The following HPSE variants were observed in gnomAD, a reference collection of about 807,000 sequenced individuals.
The protein encoded by HPSE is heparanase, also known as endo-glucoronidase.
In HPSE, 48 loss-of-function variants were observed where a neutral mutation model predicts 65.1. The ratio of observed to expected loss-of-function variants is 0.74; its 90% CI spans 0.58 to 0.94. The LOEUF (loss-of-function observed/expected upper bound fraction) is 0.94, where lower values mean the gene tolerates loss of function less well. HPSE is among the 40% of genes least tolerant of loss of function. HPSE has a pLI of 0.00. For missense variants in HPSE, 644 were observed against 637.5 expected, an observed-to-expected ratio of 1.01 and a Z score of -0.11; for synonymous variants, 243 against 260.0, an observed-to-expected ratio of 0.93 and a Z score of 0.63.
chr4:83,319,858 C>T (rs544923579), intron 2 of HPSE, among the ~76,000 whole-genome samples: 17 of 151,748 alleles, frequency 1.1e-4, no homozygotes, highest in South Asian at 4.2e-4. Context: ...GTCAGGAGTT[C>T]GAGACCAGCC....
intron 1 of HPSE, among the ~76,000 whole-genome samples, chr4:83,330,144 TA>T (rs1241307073): frequency 6.6e-6 from 1 of 152,146 alleles, no homozygotes; most frequent in Non-Finnish European, 1.5e-5. Context: ...ACTATAGCAG[TA>T]TGGAGTTCAA....
At chr4:83,308,360 C>G (rs1302400840) in intron 8 of HPSE, among the ~76,000 whole-genome samples, 1 of 152,020 alleles carries the variant, frequency 6.6e-6, no homozygotes, top group Non-Finnish European at 1.5e-5. Flanking sequence ...GAGGTGAGAT[C>G]GTGCCACTGC....
intron 1 of HPSE, among the ~76,000 whole-genome samples, chr4:83,322,967 G>C (rs1323664197): frequency 6.6e-6 from 1 of 151,842 alleles, no homozygotes; most frequent in East Asian, 1.9e-4. Context: ...TACCCAGCCA[G>C]GAGCTTATGT....
intron 1 of HPSE, among the ~76,000 whole-genome samples, chr4:83,324,224 C>A (rs1275712644): frequency 6.9e-6 from 1 of 145,612 alleles, no homozygotes; most frequent in East Asian, 2.0e-4. Flanking sequence ...TGGGCTCTAG[C>A]AATTCGCCCA....
rs1281658389 is a variant in HPSE, at chr4:83,295,171, T to A, written c.*173A>T. 1.4e-5 allele frequency: 6 copies of A among 426,322 alleles called. No individual in the cohort carries two copies. Among genetic ancestry groups the A allele is most frequent in the Non-Finnish European group, 2.1e-5 (5 of 239,418 alleles). 26.4% of individuals were successfully genotyped at this position (426,322 alleles called of 1,614,324 possible). On this transcript the variant is annotated 3_prime_UTR_variant, in exon 12 of 12. Coordinates refer to ENST00000311412, the MANE Select transcript of HPSE (RefSeq NM_001098540.3). The stretch of plus-strand genomic sequence containing the variant: ...TTATTAGCTATTATTATTAGCAGTG[T>A]TCTACCTAGCGAGATCAAAATACTG...
intron 8 of HPSE, among the ~76,000 whole-genome samples, chr4:83,307,800 T>C (rs572218912): frequency 6.6e-6 from 1 of 151,730 alleles, no homozygotes; most frequent in South Asian, 2.1e-4. Context: ...AGAATGAGGA[T>C]GAGAGAAAAA....
chr4:83,313,263 G>C lies in HPSE; in HGVS notation c.524C>G (p.Thr175Ser). Residue 175 changes from threonine (T) to serine (S), a missense_variant, in exon 4 of 12, where the codon ACT becomes AGT. Thr to Ser is a moderately conservative substitution (Grantham distance 58). Coordinates refer to ENST00000311412, the MANE Select transcript of HPSE (RefSeq NM_001098540.3). ...YSRSSVDVLYTFANCSGLDLI... is the reference protein window; with the variant it reads ...YSRSSVDVLYSFANCSGLDLI... Reference sequence around the variant, plus strand: ...GTCCAGTCCTGAGCAGTTTGCAAAAGTGTATAGCACATCTACAGAGCTTCC... The same window carrying C: ...GTCCAGTCCTGAGCAGTTTGCAAAACTGTATAGCACATCTACAGAGCTTCC... The C allele has an allele frequency of 6.2e-7, 1 of 1,613,590 alleles. No homozygotes were observed. Among genetic ancestry groups the C allele is most frequent in the Non-Finnish European group, 8.5e-7 (1 of 1,179,782 alleles).
At chr4:83,312,724 C>G in intron 4 of HPSE, among the ~76,000 whole-genome samples, 2 of 121,584 alleles carry the variant, frequency 1.6e-5, no homozygotes, top group African/African-American at 3.1e-5. Flanking sequence ...CTAGCCGGGC[C>G]TGGTGGCTCA....
At chr4:83,310,565 G>T (rs777448793) in intron 5 of HPSE, among the ~76,000 whole-genome samples, 157 bp downstream of exon 5, 8 of 152,136 alleles carry the variant, frequency 5.3e-5, no homozygotes, top group Non-Finnish European at 1.2e-4. Context: ...CCAGCTATTT[G>T]TGGGACTGAG....
At chr4:83,299,667 GGGA>G (rs1341845686) in intron 11 of HPSE, among the ~76,000 whole-genome samples, 2 of 151,940 alleles carry the variant, frequency 1.3e-5, no homozygotes, top group Admixed American at 6.6e-5. Context: ...TTGCAAAGAT[GGGA>G]GGAGATGGTG....
At chr4:83,307,886 A>T (rs1014013928) in intron 8 of HPSE, among the ~76,000 whole-genome samples, 2 of 152,204 alleles carry the variant, frequency 1.3e-5, no homozygotes, top group South Asian at 4.1e-4. Context: ...GCACTAATAG[A>T]GTTACTAAAT....
In HPSE at chr4:83,322,789, TTGTGTGTGTGTGTG is replaced by T. The variant is rs386400677; in HGVS notation, c.228-439_228-426del. On this transcript the variant is annotated intron_variant, in intron 1 of 11. Coordinates refer to ENST00000311412, the MANE Select transcript of HPSE (RefSeq NM_001098540.3). ...AGCTCTAATTCTGGCAAGAGCTTGT[TTGTGTGTGTGTGTG>T]TGTGTGTGTGTGTGTGTGTGTGTGT... Among the ~76,000 whole-genome samples the T allele has an allele frequency of 9.6e-3, 1,003 of 104,040 alleles. 9 individuals are homozygous for T. The highest frequency in any genetic ancestry group is 0.034 in the African/African-American group (944 of 27,424). The allele number at this position is 104,040 out of a possible 152,430, so 68.3% of individuals were successfully genotyped here.
chr4:83,295,551 AC>A (rs1735693426), intron 11 of HPSE, 48 bp from the exon 12 acceptor site: 2 of 1,399,556 alleles, frequency 1.4e-6, no homozygotes, highest in Non-Finnish European at 1.9e-6. Flanking sequence ...TGCATGCCCC[AC>A]CCATGCTGCT....
chr4:83,297,689 C>T (rs1011148582), intron 11 of HPSE, among the ~76,000 whole-genome samples: 1 of 152,160 alleles, frequency 6.6e-6, no homozygotes, highest in African/African-American at 2.4e-5. Flanking sequence ...ATAGCACGCC[C>T]ATGATTGTAG....
intron 2 of HPSE, among the ~76,000 whole-genome samples, chr4:83,320,492 G>A (rs1014054565): frequency 6.6e-6 from 1 of 151,832 alleles, no homozygotes; most frequent in Non-Finnish European, 1.5e-5. Context: ...CTTGAGCCTG[G>A]GAGGCAGAGG....
chr4:83,313,033 A>AT, intron 4 of HPSE, 81 bp downstream of exon 4: 1 of 1,029,916 alleles, frequency 9.7e-7, no homozygotes, highest in Non-Finnish European at 1.4e-6. Context: ...AAAAAAAAAA[A>AT]AAAAAAAAGA....
intron 3 of HPSE, among the ~76,000 whole-genome samples, chr4:83,317,501 G>C (rs568189758): frequency 2.0e-5 from 3 of 152,278 alleles, no homozygotes; most frequent in African/African-American, 4.8e-5. Flanking sequence ...TTCTGTGTTT[G>C]TTGTACCTTT....
rs1736926430 is a variant in HPSE, at chr4:83,322,201, A to C, written c.373+18T>G. 1 of 1,606,098 alleles carries C rather than the reference A, an allele frequency of 6.2e-7. No individual in the cohort carries two copies. The stretch of plus-strand genomic sequence containing the variant: ...TGACGTTAATTAAAATATAGAGTGA[A>C]TCTTTAAAAATTTTCACCCTGGTTG... On this transcript the variant is annotated intron_variant, in intron 2 of 11. Coordinates refer to ENST00000311412, the MANE Select transcript of HPSE (RefSeq NM_001098540.3).
chr4:83,319,724 C>T (rs544278216), intron 2 of HPSE, among the ~76,000 whole-genome samples: 1 of 152,220 alleles, frequency 6.6e-6, no homozygotes, highest in East Asian at 1.9e-4. Context: ...ATATGTTGGA[C>T]ATAGCTACAA....
Sources: gnomAD v4.1 joint callset for allele counts (sites outside exome capture counted in the v4.1 genomes callset) on GRCh38, gnomAD v4.1.1 for gene constraint, MANE v1.5 for transcripts, NCBI Gene and HGNC (gene_info 2026-07-23, HGNC 2026-07-21) for gene names.